FAF1: variants seen among roughly 807,000 people sequenced by gnomAD.
FAF1 encodes the protein Fas associated factor 1, also known as FAS-associated factor 1.
FAF1 carries 25 observed loss-of-function variants against 92.5 expected under a neutral mutation model. The observed-to-expected ratio is 0.27, with a 90% CI of 0.20 to 0.38. The LOEUF (loss-of-function observed/expected upper bound fraction) is 0.38, where lower values mean the gene tolerates loss of function less well. Among genes scored for constraint, FAF1 ranks in the 10% least tolerant of loss-of-function variants. The pLI is 1.00. For missense variants in FAF1, 636 were observed against 793.3 expected (o/e 0.80, Z 2.38); for synonymous variants, 234 against 273.2 (o/e 0.86, Z 1.42).
chr1:50,750,098 T>C (rs1569880939), intron 4 of FAF1, among the ~76,000 whole-genome samples: 1 of 152,148 alleles, frequency 6.6e-6, no homozygotes. Flanking sequence ...AACAAAGTAC[T>C]GGAATGTAGC....
At chr1:50,828,173 A>T (rs1269593352) in intron 2 of FAF1, among the ~76,000 whole-genome samples, 1 of 152,184 alleles carries the variant, frequency 6.6e-6, no homozygotes, top group Non-Finnish European at 1.5e-5. Context: ...AAGACTAGAG[A>T]ATTCAGAAAC....
At chr1:50,724,302 C>CACACACACAT (rs1257018016) in intron 6 of FAF1, among the ~76,000 whole-genome samples, 4,723 of 130,160 alleles carry the variant, frequency 0.036, 276 homozygotes, top group African/African-American at 0.13. Flanking sequence ...CACATACACA[C>CACACACACAT]ACACACACAC....
At chr1:50,877,607 AATATTTATATTACATATGTAATAT>A (rs1356579787) in intron 1 of FAF1, among the ~76,000 whole-genome samples, 3 of 152,036 alleles carry the variant, frequency 2.0e-5, no homozygotes, top group African/African-American at 7.2e-5. Context: ...GTTTATAATA[AATATTTATATTACATATGTAATAT>A]ATGTATGTTC....
At chr1:50,633,323 A>G (rs529800807) in intron 8 of FAF1, among the ~76,000 whole-genome samples, 1 of 152,362 alleles carries the variant, frequency 6.6e-6, no homozygotes, top group Non-Finnish European at 1.5e-5. Context: ...TATTCGTAAA[A>G]TCAGTCCTGT....
intron 4 of FAF1, among the ~76,000 whole-genome samples, chr1:50,747,936 G>A (rs886630975): frequency 4.6e-5 from 7 of 152,132 alleles, no homozygotes; most frequent in Non-Finnish European, 7.3e-5. Context: ...CTTCCACCAC[G>A]AGTAAAGGCT....
At chr1:50,631,550 G>A (rs571822559) in intron 8 of FAF1, among the ~76,000 whole-genome samples, 2 of 152,272 alleles carry the variant, frequency 1.3e-5, no homozygotes, top group African/African-American at 4.8e-5. Context: ...ATATGACAAA[G>A]AGAAGCCATA....
chr1:50,947,856 A>AATC (rs1645182788), intron 1 of FAF1, among the ~76,000 whole-genome samples: 1 of 152,234 alleles, frequency 6.6e-6, no homozygotes, highest in South Asian at 2.1e-4. Context: ...AAAAATACAT[A>AATC]AACATTTACA....
At chr1:50,518,027 C>T (rs1259915204) in intron 15 of FAF1, among the ~76,000 whole-genome samples, 6 of 152,126 alleles carry the variant, frequency 3.9e-5, no homozygotes, top group Non-Finnish European at 2.9e-5. Flanking sequence ...TGAATTCTAA[C>T]GTATGTATAG....
chr1:50,554,802 C>G (rs1022786593), intron 13 of FAF1, among the ~76,000 whole-genome samples: 3 of 152,070 alleles, frequency 2.0e-5, no homozygotes, highest in Admixed American at 1.3e-4. Flanking sequence ...GGTCTCAGGT[C>G]AAATAGGTGA....
intron 17 of FAF1, among the ~76,000 whole-genome samples, chr1:50,478,216 T>C (rs538767500): frequency 4.7e-5 from 7 of 149,430 alleles, no homozygotes; most frequent in African/African-American, 1.5e-4. Flanking sequence ...CAGGCTGGAG[T>C]GTGATGGCGC....
intron 8 of FAF1, among the ~76,000 whole-genome samples, chr1:50,637,273 TAAAAAAAAAA>T (rs1172030649): frequency 1.0e-5 from 1 of 97,262 alleles, no homozygotes; most frequent in Non-Finnish European, 2.0e-5. Flanking sequence ...CCATTTCTAC[TAAAAAAAAAA>T]AAAAAAAAAA....
chr1:50,931,178 A>C (rs1441181021), intron 1 of FAF1, among the ~76,000 whole-genome samples: 1 of 152,234 alleles, frequency 6.6e-6, no homozygotes, highest in Non-Finnish European at 1.5e-5. Context: ...CTGATATGGC[A>C]GTAGTTTACT....
chr1:50,720,518 A>G (rs1658365573), intron 6 of FAF1, among the ~76,000 whole-genome samples: 1 of 152,218 alleles, frequency 6.6e-6, no homozygotes, highest in South Asian at 2.1e-4. Flanking sequence ...ATAAATATTG[A>G]CGGAGTTCAG....
At chr1:50,743,984 T>C (rs966521513) in intron 5 of FAF1, among the ~76,000 whole-genome samples, 3 of 151,958 alleles carry the variant, frequency 2.0e-5, no homozygotes, top group African/African-American at 4.8e-5. Context: ...AGCAGGAGAA[T>C]TGCTTGAATC....
chr1:50,940,909 CA>C (rs1645127503), intron 1 of FAF1, among the ~76,000 whole-genome samples: 1 of 152,046 alleles, frequency 6.6e-6, no homozygotes, highest in African/African-American at 2.4e-5. Context: ...GGGACACCAG[CA>C]AAACTACACT....
chr1:50,886,561 A>AT (rs775265501), intron 1 of FAF1, among the ~76,000 whole-genome samples: 1 of 149,094 alleles, frequency 6.7e-6, no homozygotes, highest in Admixed American at 6.7e-5. Context: ...CCGGTGTGTG[A>AT]TTTTCCCCTT....
intron 6 of FAF1, chr1:50,715,129 A>T (rs1245013294): frequency 7.5e-6 from 2 of 267,954 alleles, no homozygotes; most frequent in Non-Finnish European, 1.5e-5. Context: ...TATAGACTGA[A>T]GTTAATGTTC....
Position 50,801,541 on chromosome 1 carries a change from T to C in FAF1, c.161+90A>G, listed in dbSNP as rs1457769102. 9.8e-6 allele frequency: 7 copies of C among 712,928 alleles called. No individual in the cohort carries two copies. The Admixed American group carries it at 1.0e-4, about 10-fold the overall frequency. The allele number at this position is 712,928 out of a possible 1,614,324, so 44.2% of individuals were successfully genotyped here. ...GAACTTATATACCCCAAATCAATGCTCTATTAAAAAATAAAACAAAAAAAT... is the reference window on the plus strand; with the variant it reads ...GAACTTATATACCCCAAATCAATGCCCTATTAAAAAATAAAACAAAAAAAT... On this transcript the variant is annotated intron_variant, in intron 3 of 18. Coordinates refer to ENST00000396153, the MANE Select transcript of FAF1 (RefSeq NM_007051.3).
At chr1:50,920,774 A>C (rs1198673995) in intron 1 of FAF1, among the ~76,000 whole-genome samples, 3 of 152,220 alleles carry the variant, frequency 2.0e-5, no homozygotes, top group Admixed American at 2.0e-4. Context: ...TATCAGCAGA[A>C]GGACATCTAT....
Sources: allele counts gnomAD v4.1 joint callset (sites outside exome capture counted in the v4.1 genomes callset), GRCh38; gene constraint gnomAD v4.1.1; transcripts MANE v1.5; gene names NCBI Gene and HGNC (gene_info 2026-07-23, HGNC 2026-07-21).